ARHGEF7: variants seen among roughly 807,000 people sequenced by gnomAD.
ARHGEF7 encodes the protein PAK-interacting exchange factor beta.
A neutral mutation model predicts 109.8 loss-of-function variants in ARHGEF7; 33 were observed. The ratio of observed to expected loss-of-function variants is 0.30; its 90% CI spans 0.23 to 0.40. The LOEUF is 0.40. ARHGEF7 is among the 10% of genes least tolerant of loss of function. The probability of loss-of-function intolerance (pLI) is 1.00; values close to 1 mark genes in which losing one functional copy is unlikely to be tolerated. For missense variants in ARHGEF7, 938 were observed against 1,098.5 expected, an observed-to-expected ratio of 0.85 and a Z score of 2.07; for synonymous variants, 458 against 424.6, an observed-to-expected ratio of 1.08 and a Z score of -0.97.
intron 8 of ARHGEF7, among the ~76,000 whole-genome samples, chr13:111,263,376 C>T (rs917019736): frequency 6.6e-6 from 1 of 152,098 alleles, no homozygotes; most frequent in Admixed American, 6.5e-5. Flanking sequence ...GTGAATTGTT[C>T]GTTTATAAGC....
chr13:111,188,533 C>T (rs747354654), intron 2 of ARHGEF7, among the ~76,000 whole-genome samples: 10 of 152,158 alleles, frequency 6.6e-5, no homozygotes, highest in Non-Finnish European at 1.2e-4. Context: ...GATCAGCAGC[C>T]GAGAGGCTTC....
rs1259908605 is a variant in ARHGEF7, at chr13:111,205,846, A to G, written c.337+473A>G. The stretch of plus-strand genomic sequence containing the variant: ...CCTGAGGGCTGTGGCACCCAGGTAC[A>G]TGGTGTGTGTGGTCCTAGCCCCCAT... On this transcript the variant is annotated intron_variant, in intron 3 of 21. Coordinates refer to ENST00000646102, the MANE Select transcript of ARHGEF7 (RefSeq NM_001354046.2). Among the ~76,000 whole-genome samples the G allele has an allele frequency of 5.3e-5, 8 of 152,206 alleles. No homozygotes were observed. The South Asian group carries it at 6.2e-4, about 12-fold the overall frequency.
At chr13:111,213,250 G>A (rs571986096) in intron 4 of ARHGEF7, among the ~76,000 whole-genome samples, 5 of 152,300 alleles carry the variant, frequency 3.3e-5, no homozygotes, top group African/African-American at 1.2e-4. Context: ...GGGCATAGAT[G>A]ACTGTGCCCG....
intron 8 of ARHGEF7, among the ~76,000 whole-genome samples, chr13:111,264,575 G>T (rs890776610): frequency 6.6e-6 from 1 of 152,132 alleles, no homozygotes; most frequent in Non-Finnish European, 1.5e-5. Context: ...TTCCCAGTCC[G>T]TGCAGGTAAC....
Position 111,218,603 on chromosome 13 carries a change from T to TA in ARHGEF7, c.670+724dup, listed in dbSNP as rs551272676. Among the ~76,000 whole-genome samples, 7 of 152,128 alleles carry TA rather than the reference T, an allele frequency of 4.6e-5. No individual in the cohort carries two copies. The South Asian group carries it at 1.5e-3, about 32-fold the overall frequency. ...AGATTCTGCTGGGGAAAGAGTGACT[T>TA]ACAGAGAATAGCTGATACACAGGGA... On this transcript the variant is annotated intron_variant, in intron 5 of 21. Transcript: ENST00000646102.
At chr13:111,184,200 T>C (rs970436390) in intron 2 of ARHGEF7, among the ~76,000 whole-genome samples, 3 of 152,220 alleles carry the variant, frequency 2.0e-5, no homozygotes, top group African/African-American at 7.2e-5. Flanking sequence ...CGTTGTCCTG[T>C]GAAGAGGTGC....
intron 6 of ARHGEF7, chr13:111,241,317 C>T (rs542393088): frequency 1.0e-4 from 158 of 1,536,094 alleles, no homozygotes; most frequent in African/African-American, 2.2e-4. Context: ...GTGCAGAAGA[C>T]GAGGAGGGGA....
At chr13:111,300,225 A>G (rs553409663) in intron 19 of ARHGEF7, among the ~76,000 whole-genome samples, 33 of 152,340 alleles carry the variant, frequency 2.2e-4, no homozygotes, top group African/African-American at 6.7e-4. Flanking sequence ...TAGGAAATAT[A>G]AAGTTTTCAT....
Position 111,228,107 on chromosome 13 carries a change from G to A in ARHGEF7, c.671-5098G>A, listed in dbSNP as rs1051356238. Among the ~76,000 whole-genome samples, 5 of 152,300 alleles carry A rather than the reference G, an allele frequency of 3.3e-5. No homozygotes were observed. The highest frequency in any genetic ancestry group is 4.2e-4 in the South Asian group (2 of 4,818). On this transcript the variant is annotated intron_variant, in intron 5 of 21. Coordinates refer to ENST00000646102, the MANE Select transcript of ARHGEF7 (RefSeq NM_001354046.2). This position sits in a 1 kb window ranked among gnomAD's most constrained non-coding sequence, Gnocchi z 4.6. ...GTCCTGCACGGCACATGAGGTAAGC[G>A]TGCAGGTCTGTGCTCTCTGCTCTCT...
intron 6 of ARHGEF7, among the ~76,000 whole-genome samples, chr13:111,238,678 C>T (rs1453342963): frequency 6.6e-6 from 1 of 151,656 alleles, no homozygotes; most frequent in Non-Finnish European, 1.5e-5. Context: ...TGATGGGGAT[C>T]AAAGGAAGGG....
chr13:111,184,594 A>C (rs2079069711), intron 2 of ARHGEF7, among the ~76,000 whole-genome samples: 1 of 152,284 alleles, frequency 6.6e-6, no homozygotes, highest in African/African-American at 2.4e-5. Flanking sequence ...CGTTTGTTTT[A>C]TAGGCAGCAT....
At chr13:111,269,824 T>C (rs551193358) in intron 9 of ARHGEF7, among the ~76,000 whole-genome samples, 23 of 152,284 alleles carry the variant, frequency 1.5e-4, no homozygotes, top group African/African-American at 4.1e-4. Flanking sequence ...CAGCAGTGAA[T>C]TGGGGTCAGG....
At chr13:111,249,137 C>T (rs2089371323) in intron 8 of ARHGEF7, among the ~76,000 whole-genome samples, 1 of 152,164 alleles carries the variant, frequency 6.6e-6, no homozygotes, top group African/African-American at 2.4e-5. Context: ...GGGTTTCCCC[C>T]AGCTTCCCAG....
intron 18 of ARHGEF7, among the ~76,000 whole-genome samples, chr13:111,290,944 C>T (rs937668221): frequency 7.2e-5 from 11 of 152,172 alleles, no homozygotes; most frequent in African/African-American, 2.4e-4. Flanking sequence ...CTTAGTAAAA[C>T]GGGTTTTAGA....
chr13:111,210,096 G>A (rs1030990489), intron 4 of ARHGEF7, 94 bp downstream of exon 4: 62 of 1,524,524 alleles, frequency 4.1e-5, no homozygotes, highest in Non-Finnish European at 5.5e-5. Context: ...TCCATTAATG[G>A]TGTTAAACAG....
rs144263644 is a variant in ARHGEF7 at position 111,284,154 on chromosome 13, C to T, written c.1950+791C>T. On this transcript the variant is annotated intron_variant, in intron 16 of 21. Coordinates refer to ENST00000646102, the MANE Select transcript of ARHGEF7 (RefSeq NM_001354046.2). The stretch of plus-strand genomic sequence containing the variant: ...GCGGTGAGAGTGTGGGTATCGTGCG[C>T]GTCAGTGTGAGCAGCAGTGCCCGTT... Among the ~76,000 whole-genome samples the T allele has an allele frequency of 8.3e-4, 126 of 152,068 alleles. 2 individuals carry two copies. The East Asian group carries it at 0.021, about 25-fold the overall frequency.
intron 1 of ARHGEF7, among the ~76,000 whole-genome samples, chr13:111,141,696 G>A (rs1415284723): frequency 1.3e-5 from 2 of 151,520 alleles, no homozygotes; most frequent in African/African-American, 2.4e-5. Context: ...ATTGTATGAT[G>A]TACCACCGTT....
Position 111,115,513 on chromosome 13 carries a change from C to T in ARHGEF7, c.-14C>T, listed in dbSNP as rs1389784923. On this transcript the variant is annotated 5_prime_UTR_variant, in exon 1 of 22. Coordinates refer to ENST00000646102, the MANE Select transcript of ARHGEF7 (RefSeq NM_001354046.2). ...GGCGCGCGCCCCTCCCCGCCTGCCT[C>T]CCGGGCCGCAGCGATGAATTCCGCC... 2.3e-6 allele frequency: 3 copies of T among 1,318,204 alleles called. No individual in the cohort carries two copies. The highest frequency in any genetic ancestry group is 3.0e-6 in the Non-Finnish European group (3 of 1,013,060). The allele number at this position is 1,318,204 out of a possible 1,614,324, so 81.7% of individuals were successfully genotyped here.
At chr13:111,126,506 C>T (rs1234662833) in intron 1 of ARHGEF7, among the ~76,000 whole-genome samples, 1 of 150,836 alleles carries the variant, frequency 6.6e-6, no homozygotes, top group Non-Finnish European at 1.5e-5. Context: ...AAAAAAAAAG[C>T]CTTTAACAAA....
Sources: allele counts gnomAD v4.1 joint callset (sites outside exome capture counted in the v4.1 genomes callset), GRCh38; gene constraint gnomAD v4.1.1; non-coding constraint Gnocchi (gnomAD v3.1); transcripts MANE v1.5; gene names NCBI Gene and HGNC (gene_info 2026-07-23, HGNC 2026-07-21).